FHAD1: variants seen among roughly 807,000 people sequenced by gnomAD.
The protein encoded by FHAD1 is forkhead associated phosphopeptide binding domain 1, also known as forkhead-associated domain-containing protein 1.
Under a neutral mutation model 191.3 loss-of-function variants are expected in FHAD1, and 146 were observed. That is an observed-to-expected ratio of 0.76 (90% CI 0.67 to 0.88). FHAD1 has a LOEUF of 0.88. FHAD1 is among the 40% of genes least tolerant of loss of function. The pLI, the probability that FHAD1 is intolerant of heterozygous loss-of-function variation, is 0.00. For missense variants in FHAD1, 1,635 were observed against 1,785.8 expected (o/e 0.92, Z 1.52); for synonymous variants, 616 against 672.3 (o/e 0.92, Z 1.29).
upstream of FHAD1, among the ~76,000 whole-genome samples, chr1:15,243,110 C>G (rs1301434632): frequency 6.6e-6 from 1 of 152,192 alleles, no homozygotes; most frequent in African/African-American, 2.4e-5. Context: ...TGCAAGATAA[C>G]TGAATGCTCC....
intron 16 of FHAD1, 65 bp from the exon 17 acceptor site, chr1:15,345,018 C>T (rs1569864606): frequency 1.6e-6 from 2 of 1,275,572 alleles, no homozygotes; most frequent in East Asian, 2.5e-5. Flanking sequence ...ACATGCAGTG[C>T]CTGGCAGCGT....
chr1:15,399,565 CA>C (rs961191381), downstream of FHAD1, among the ~76,000 whole-genome samples: 3 of 146,110 alleles, frequency 2.1e-5, no homozygotes, highest in Non-Finnish European at 4.5e-5. Flanking sequence ...CACCTTGTCT[CA>C]AAAAAAAAAT....
intron 2 of FHAD1, among the ~76,000 whole-genome samples, chr1:15,253,582 G>T (rs1054393404): frequency 6.6e-6 from 1 of 151,972 alleles, no homozygotes; most frequent in African/African-American, 2.4e-5. Context: ...TGTTTGTGAT[G>T]GTAAATGGTA....
intron 4 of FHAD1, among the ~76,000 whole-genome samples, chr1:15,292,020 T>TAGATAAG (rs1410937263): frequency 1.3e-5 from 2 of 152,224 alleles, no homozygotes; most frequent in Non-Finnish European, 2.9e-5. Flanking sequence ...CTTGGTTACA[T>TAGATAAG]AGATAAGCTC....
In FHAD1 at chr1:15,316,344, T is replaced by C. The variant is rs1674448636; in HGVS notation, c.1171-34T>C. 6.5e-7 allele frequency: 1 copy of C among 1,537,610 alleles called. No homozygotes were observed. Among genetic ancestry groups the C allele is most frequent in the Non-Finnish European group, 8.8e-7 (1 of 1,135,044 alleles). ...CCCCGACAACCCTACCTGGCCAACG[T>C]TGGCCTCTTTCTGTGTTGCCCTTTT... On this transcript the variant is annotated intron_variant, in intron 8 of 33. Transcript: ENST00000688493. This position sits in a 1 kb window ranked among gnomAD's most constrained non-coding sequence, Gnocchi z 4.3.
At chr1:15,244,391 A>G (rs1240143612), upstream of FHAD1, among the ~76,000 whole-genome samples, 2 of 152,140 alleles carry the variant, frequency 1.3e-5, no homozygotes, top group Non-Finnish European at 2.9e-5. The surrounding 1 kb of genome is among the most constrained non-coding windows in gnomAD (Gnocchi z 5.1). Context: ...AAGCCTGGTG[A>G]GGGGCATGGG....
intron 3 of FHAD1, among the ~76,000 whole-genome samples, chr1:15,287,343 A>G (rs1043962624): frequency 2.0e-5 from 3 of 152,164 alleles, no homozygotes; most frequent in Admixed American, 2.0e-4. Flanking sequence ...ATAAGGACAT[A>G]CCAGAGACTG....
Position 15,360,643 on chromosome 1 carries a change from G to A in FHAD1, c.2902G>A (p.Val968Ile), listed in dbSNP as rs1308697856. ...IVSLEEKLQK[V>I]TQHHKKIEGE... is the part of the protein sequence containing the mutation. ...GAGCCTCGAAGAGAAACTCCAGAAA[G>A]TCACTCAGCACCATAAAAAAATAGA... The change falls in exon 22 of 34, where the codon GTC becomes ATC. Residue 968 changes from valine to isoleucine, a missense_variant. Coordinates refer to ENST00000688493, the MANE Select transcript of FHAD1 (RefSeq NM_001391957.1). 2 of 1,551,958 alleles carry A rather than the reference G, an allele frequency of 1.3e-6. 1 individual carries two copies. The highest frequency in any genetic ancestry group is 2.4e-5 in the South Asian group (2 of 84,058).
chr1:15,342,175 G>A (rs1304970889), intron 16 of FHAD1, among the ~76,000 whole-genome samples: 3 of 152,162 alleles, frequency 2.0e-5, no homozygotes, highest in East Asian at 1.9e-4. Context: ...CTGAGTCATC[G>A]CTGCAGGTCC....
intron 2 of FHAD1, among the ~76,000 whole-genome samples, chr1:15,265,668 G>T (rs1427681228): frequency 1.3e-5 from 2 of 152,110 alleles, no homozygotes; most frequent in African/African-American, 2.4e-5. Context: ...TTATCTCTTT[G>T]ATGAGTTATT....
intron 3 of FHAD1, 67 bp downstream of exon 3, chr1:15,272,596 G>C (rs1656564915): frequency 3.5e-6 from 5 of 1,413,972 alleles, no homozygotes. Context: ...CTCGGATGCA[G>C]CTGCAGGGTG....
chr1:15,332,647 A>G (rs1018790643), intron 14 of FHAD1, among the ~76,000 whole-genome samples: 1 of 152,212 alleles, frequency 6.6e-6, no homozygotes, highest in African/African-American at 2.4e-5. Context: ...TGAGGCTAAG[A>G]TTTCAAGGCT....
In FHAD1 at chr1:15,289,905, T is replaced by A. The variant is rs1353655553; in HGVS notation, c.568+239T>A. 2.6e-5 allele frequency among the ~76,000 whole-genome samples: 4 copies of A among 152,210 alleles called. No homozygotes were observed. The highest frequency in any genetic ancestry group is 5.9e-5 in the Non-Finnish European group (4 of 68,036). ...CCCTCCAGCCTCTGTGCTGTGTCCG[T>A]ATACACACACCAGGGCACCTGCAGT... On this transcript the variant is annotated intron_variant, in intron 4 of 33. Transcript: ENST00000688493. The surrounding 1 kb of genome is among the most constrained non-coding windows in gnomAD (Gnocchi z 4.2).
chr1:15,355,668 C>T (rs769458416), intron 20 of FHAD1, among the ~76,000 whole-genome samples: 1 of 152,128 alleles, frequency 6.6e-6, no homozygotes, highest in East Asian at 1.9e-4. Flanking sequence ...CAAGCTACTC[C>T]GTGGCATGCC....
At chr1:15,253,148 CTGTGTGTGTGTG>C (rs5772631) in intron 2 of FHAD1, among the ~76,000 whole-genome samples, 36 of 146,152 alleles carry the variant, frequency 2.5e-4, no homozygotes, top group Admixed American at 1.2e-3. Flanking sequence ...GACATAAGTG[CTGTGTGTGTGTG>C]TGTGTGTGTG....
downstream of FHAD1, among the ~76,000 whole-genome samples, chr1:15,402,404 A>G (rs552333254): frequency 3.3e-5 from 5 of 152,146 alleles, no homozygotes; most frequent in African/African-American, 4.8e-5. Context: ...TTACATGTGT[A>G]TATATGTGCC....
rs1209854427 is a variant in FHAD1, at chr1:15,327,008, C to A, written c.1474-51C>A. The A allele has an allele frequency of 8.9e-6, 11 of 1,240,550 alleles. No homozygotes were observed. The highest frequency in any genetic ancestry group is 1.3e-5 in the Non-Finnish European group (11 of 866,032). The allele number at this position is 1,240,550 out of a possible 1,614,324, so 76.8% of individuals were successfully genotyped here. A position where few individuals can be genotyped will look rare whatever the true frequency, so the allele number is the denominator to read the frequency against. On this transcript the variant is annotated intron_variant, in intron 11 of 33. Transcript: ENST00000688493. The surrounding 1 kb of genome is among the most constrained non-coding windows in gnomAD (Gnocchi z 5.1). ...CCCTGCCATGGAAACGCTGCCCCCA[C>A]TTGCCGGCCCCTGCTGACCCCCTGA...
rs147715036 is a variant in FHAD1, at chr1:15,383,746, G to A, written c.4188+1553G>A. 644 of 314,318 alleles carry A rather than the reference G, an allele frequency of 2.0e-3. 5 individuals are homozygous for A. The highest frequency in any genetic ancestry group is 0.012 in the African/African-American group (574 of 46,216). The allele number at this position is 314,318 out of a possible 1,614,324, so 19.5% of individuals were successfully genotyped here. A position where few individuals can be genotyped will look rare whatever the true frequency, so the allele number is the denominator to read the frequency against. On this transcript the variant is annotated intron_variant, in intron 31 of 33. Coordinates refer to ENST00000688493, the MANE Select transcript of FHAD1 (RefSeq NM_001391957.1). ...CTGGGCTCACCTGAGCTTTGCAGCC[G>A]TGATAGGGCTTATTAATGCCTCTAA... is the stretch of plus-strand genomic sequence containing the variant.
At chr1:15,281,250 G>A (rs1179771415) in intron 3 of FHAD1, among the ~76,000 whole-genome samples, 1 of 152,128 alleles carries the variant, frequency 6.6e-6, no homozygotes, top group Non-Finnish European at 1.5e-5. Context: ...TGGGATCAGT[G>A]TGCCTCCTTT....
Sources: allele counts gnomAD v4.1 joint callset (sites outside exome capture counted in the v4.1 genomes callset), GRCh38; gene constraint gnomAD v4.1.1; non-coding constraint Gnocchi (gnomAD v3.1); transcripts MANE v1.5; gene names NCBI Gene and HGNC (gene_info 2026-07-23, HGNC 2026-07-21).